Variants in PDZRN3 observed in about 807,000 individuals in gnomAD.
The protein encoded by PDZRN3 is PDZ domain containing ring finger 3.
A neutral mutation model predicts 85.7 loss-of-function variants in PDZRN3; 38 were observed. The observed-to-expected ratio is 0.44, with a 90% confidence interval of 0.34 to 0.58. The LOEUF (loss-of-function observed/expected upper bound fraction) is 0.58. Among genes scored for constraint, PDZRN3 ranks in the 20% least tolerant of loss-of-function variants. PDZRN3 has a pLI of 0.01. For missense variants in PDZRN3, 1,629 were observed against 1,506.4 expected, an observed-to-expected ratio of 1.08 and a Z score of -1.35; for synonymous variants, 759 against 638.0, an observed-to-expected ratio of 1.19 and a Z score of -2.86.
In PDZRN3 at chr3:73,517,464, C is replaced by T. The variant is rs190772127; in HGVS notation, c.918+84890G>A. On this transcript the variant is annotated intron_variant, in intron 3 of 9. Transcript: ENST00000263666. Reference sequence around the variant, plus strand: ...CACCTAAAATTTACTTATAGAAGAACAGATACTAGGTAAACAAAAGCCCTC... The same window carrying T: ...CACCTAAAATTTACTTATAGAAGAATAGATACTAGGTAAACAAAAGCCCTC... 5.8e-3 allele frequency among the ~76,000 whole-genome samples: 890 copies of T among 152,252 alleles called. 8 individuals carry two copies. The highest frequency in any genetic ancestry group is 0.02 in the African/African-American group (824 of 41,548).
chr3:73,492,984 CT>C (rs5850113), intron 3 of PDZRN3, among the ~76,000 whole-genome samples: 18 of 104,046 alleles, frequency 1.7e-4, no homozygotes, highest in African/African-American at 5.6e-4. Flanking sequence ...GCTTTTCAAC[CT>C]TTTTTTTTTT....
intron 3 of PDZRN3, chr3:73,569,255 G>A: frequency 7.8e-7 from 1 of 1,280,280 alleles, no homozygotes; most frequent in African/African-American, 1.5e-5. Context: ...TGAACAAGAG[G>A]AGCCCGAAGA....
chr3:73,486,711 T>C (rs775619329), intron 3 of PDZRN3, among the ~76,000 whole-genome samples: 3 of 152,196 alleles, frequency 2.0e-5, no homozygotes, highest in African/African-American at 4.8e-5. Context: ...CAATGTAGCA[T>C]TGGTTAAGTT....
rs771125981 is a variant in PDZRN3, at chr3:73,624,589, G to A, written c.237C>T (p.Asp79=). Residue 79 remains aspartate (D), a synonymous_variant, in exon 1 of 10, where the codon GAC becomes GAT. Coordinates refer to ENST00000263666, the MANE Select transcript of PDZRN3 (RefSeq NM_015009.3). ...LPLKRLILKL[D]IKCAYATRGC... ...CGCGCGTCGCGTACGCGCACTTGATGTCCAGCTTGAGGATAAGGCGCTTGA... is the reference window on the plus strand; with the variant it reads ...CGCGCGTCGCGTACGCGCACTTGATATCCAGCTTGAGGATAAGGCGCTTGA... 6.4e-7 allele frequency: 1 copy of A among 1,554,628 alleles called. No homozygotes were observed. The highest frequency in any genetic ancestry group is 2.6e-5 in the East Asian group (1 of 37,902).
rs780542589 is a variant in PDZRN3, at chr3:73,624,290, G to A, written c.536C>T (p.Ala179Val). 5.8e-6 allele frequency: 8 copies of A among 1,370,580 alleles called. No individual in the cohort carries two copies. The highest frequency in any genetic ancestry group is 5.6e-6 in the Non-Finnish European group (6 of 1,070,380). The allele number at this position is 1,370,580 out of a possible 1,614,324, so 84.9% of individuals were successfully genotyped here. A position where few individuals can be genotyped will look rare whatever the true frequency, so the allele number is the denominator to read the frequency against. Reference sequence around the variant, plus strand: ...CTCCTTCTTGAGCGCCTTGTGCAGCGCGCCCAGGCGGGCCTGGAGCGCGCC... The same window carrying A: ...CTCCTTCTTGAGCGCCTTGTGCAGCACGCCCAGGCGGGCCTGGAGCGCGCC... The part of the protein sequence containing the change: ...HNGALQARLG[A>V]LHKALKKEAL... Residue 179 changes from alanine to valine, a missense_variant, in exon 1 of 10, where the codon GCG becomes GTG. By Grantham distance (64) the Ala-to-Val change is moderately conservative (BLOSUM62 0). Coordinates refer to ENST00000263666, the MANE Select transcript of PDZRN3 (RefSeq NM_015009.3).
At chr3:73,582,328 T>A (rs575767762) in intron 3 of PDZRN3, among the ~76,000 whole-genome samples, 3 of 152,146 alleles carry the variant, frequency 2.0e-5, no homozygotes, top group African/African-American at 7.2e-5. Flanking sequence ...TGGGGGATGG[T>A]GCATTGAATA....
chr3:73,548,279 T>C (rs1453133864), intron 3 of PDZRN3, among the ~76,000 whole-genome samples: 1 of 152,162 alleles, frequency 6.6e-6, no homozygotes, highest in Admixed American at 6.5e-5. Context: ...GTTTGAGGAT[T>C]TGGAAGTTTC....
chr3:73,544,410 C>G (rs1385148527), intron 3 of PDZRN3, among the ~76,000 whole-genome samples: 1 of 151,848 alleles, frequency 6.6e-6, no homozygotes, highest in African/African-American at 2.4e-5. Flanking sequence ...CCTATTAAGC[C>G]TTTAAAAGAG....
In PDZRN3 at chr3:73,384,175, G is replaced by T. The variant is rs370509971; in HGVS notation, c.2391C>A (p.Thr797=). The change falls in exon 10 of 10, where the codon ACC becomes ACA. Residue 797 remains threonine, a synonymous_variant. Coordinates refer to ENST00000263666, the MANE Select transcript of PDZRN3 (RefSeq NM_015009.3). ...SCPSSEGAVG[T]TEAYGPASKN... ...TGGAGGCTGGCCCGTAGGCTTCCGT[G>T]GTCCCCACAGCCCCTTCGCTGCTCG... 16 of 1,613,946 alleles carry T rather than the reference G, an allele frequency of 9.9e-6. No individual in the cohort carries two copies. The highest frequency in any genetic ancestry group is 1.4e-5 in the Non-Finnish European group (16 of 1,180,048).
intron 3 of PDZRN3, among the ~76,000 whole-genome samples, chr3:73,550,293 TG>T (rs1162435484): frequency 6.6e-6 from 1 of 152,196 alleles, no homozygotes; most frequent in Non-Finnish European, 1.5e-5. Context: ...TGTGGCCCAG[TG>T]GCCTGCGTTT....
chr3:73,596,594 T>C (rs1319727404), intron 3 of PDZRN3, among the ~76,000 whole-genome samples: 2 of 152,222 alleles, frequency 1.3e-5, no homozygotes, highest in South Asian at 2.1e-4. Flanking sequence ...ATGCTATCAC[T>C]TCTGTGGTAT....
Position 73,404,298 on chromosome 3 carries a change from G to A in PDZRN3, c.1016C>T (p.Thr339Ile). Residue 339 changes from threonine to isoleucine, a missense_variant, in exon 4 of 10, where the codon ACA becomes ATA. Physicochemically the swap from Thr to Ile is moderately conservative, Grantham distance 89. Transcript: ENST00000263666. ...AGGCGTGAACATTTTGGTCCTTGGT[G>A]TTCTTCTCAACACCTGCACCACTAT... ...EPIVVQVLRR[T>I]PRTKMFTPPS... 1 of 1,614,172 alleles carries A rather than the reference G, an allele frequency of 6.2e-7. No homozygotes were observed. The highest frequency in any genetic ancestry group is 8.5e-7 in the Non-Finnish European group (1 of 1,180,026).
chr3:73,565,117 ATTTTTTTTTTTT>A (rs202184460), intron 3 of PDZRN3, among the ~76,000 whole-genome samples: 2 of 138,946 alleles, frequency 1.4e-5, no homozygotes, highest in South Asian at 2.2e-4. Flanking sequence ...ATATCCACCA[ATTTTTTTTTTTT>A]TTTTTTTTTT....
intron 3 of PDZRN3, among the ~76,000 whole-genome samples, chr3:73,507,174 AT>A (rs11332686): frequency 1 from 150,369 of 150,678 alleles, 75,031 homozygotes; most frequent in South Asian, 1. Flanking sequence ...TTTCATTCTC[AT>A]TTTTTTTTTT....
At chr3:73,535,037 T>C (rs1464037524) in intron 3 of PDZRN3, among the ~76,000 whole-genome samples, 2 of 152,098 alleles carry the variant, frequency 1.3e-5, no homozygotes, top group Admixed American at 6.5e-5. Context: ...TGTGAAGTCA[T>C]TGGTTGCCCC....
rs142238605 is a variant in PDZRN3, at chr3:73,424,805, T to C, written c.919-20410A>G. On this transcript the variant is annotated intron_variant, in intron 3 of 9. Coordinates refer to ENST00000263666, the MANE Select transcript of PDZRN3 (RefSeq NM_015009.3). ...TATATACTTAACTTCATAGTCAGGG[T>C]GAAGCAAATTTAAGCCACAGTGAGA... 3.4e-4 allele frequency among the ~76,000 whole-genome samples: 51 copies of C among 152,202 alleles called. 2 individuals are homozygous for C. In the East Asian group the frequency reaches 9.3e-3, roughly 28 times the overall value.
intron 2 of PDZRN3, among the ~76,000 whole-genome samples, chr3:73,603,742 T>G (rs1353939360): frequency 6.6e-6 from 1 of 152,094 alleles, no homozygotes. Context: ...AATCCCTATA[T>G]TCTAAAGGGG....
chr3:73,550,016 A>G (rs1701515053), intron 3 of PDZRN3, among the ~76,000 whole-genome samples: 1 of 152,248 alleles, frequency 6.6e-6, no homozygotes, highest in Non-Finnish European at 1.5e-5. Context: ...AACAGAGGGT[A>G]TGGTCCAACT....
intron 3 of PDZRN3, among the ~76,000 whole-genome samples, chr3:73,452,238 C>T (rs2106844421): frequency 6.6e-6 from 1 of 152,192 alleles, no homozygotes; most frequent in East Asian, 1.9e-4. Context: ...GGCTACACGA[C>T]TCAAAGGCAC....
Sources: allele counts gnomAD v4.1 joint callset (sites outside exome capture counted in the v4.1 genomes callset), GRCh38; gene constraint gnomAD v4.1.1; transcripts MANE v1.5; gene names NCBI Gene and HGNC (gene_info 2026-07-23, HGNC 2026-07-21).